QTMAN: variants seen among roughly 807,000 people sequenced by gnomAD.
The protein encoded by QTMAN is queuosine-tRNA mannosyltransferase.
chr2:144,239,413 G>A, the QTMAN span, among the ~76,000 whole-genome samples: 6 of 152,162 alleles, frequency 3.9e-5, no homozygotes, highest in South Asian at 2.1e-4. Context: ...GCTAGCATCC[G>A]TGAGTCCTCT....
At chr2:143,944,305 CT>C in the QTMAN span, 1 of 152,148 alleles carries the variant, frequency 6.6e-6, no homozygotes, top group Non-Finnish European at 1.5e-5. Context: ...ATTTACAAAA[CT>C]TTTTATTGCT....
the QTMAN span, among the ~76,000 whole-genome samples, chr2:143,992,592 A>G: frequency 6.6e-6 from 1 of 152,170 alleles, no homozygotes; most frequent in Non-Finnish European, 1.5e-5. Context: ...AGCAAAACAA[A>G]GCTGAGAGAC....
chr2:144,284,596 T>C, the QTMAN span, among the ~76,000 whole-genome samples: 1 of 152,218 alleles, frequency 6.6e-6, no homozygotes, highest in South Asian at 2.1e-4. Flanking sequence ...TCTACAATTA[T>C]TATAGAAAAA....
the QTMAN span, among the ~76,000 whole-genome samples, chr2:144,004,684 C>T: frequency 1.3e-5 from 2 of 151,910 alleles, no homozygotes; most frequent in South Asian, 4.2e-4. Context: ...TGCCTAGACC[C>T]AGTGGCATTT....
At chr2:144,007,582 G>GA in the QTMAN span, 26 of 1,298,844 alleles carry the variant, frequency 2.0e-5, no homozygotes, top group Non-Finnish European at 2.7e-5. Context: ...AAAAAAATAT[G>GA]TAAAATTTGT....
chr2:144,100,859 CTTTTTTTTTT>C, the QTMAN span, among the ~76,000 whole-genome samples: 52 of 77,910 alleles, frequency 6.7e-4, no homozygotes, highest in African/African-American at 2.5e-3. Context: ...GTCTTTCTTT[CTTTTTTTTTT>C]TTTTTTTTTT....
the QTMAN span, among the ~76,000 whole-genome samples, chr2:144,033,800 G>C: frequency 6.6e-6 from 1 of 152,086 alleles, no homozygotes; most frequent in Admixed American, 6.5e-5. Flanking sequence ...GACTTACTAT[G>C]AACAACAAAA....
chr2:144,215,321 C>A, the QTMAN span, among the ~76,000 whole-genome samples: 59 of 151,320 alleles, frequency 3.9e-4, 1 homozygote, highest in South Asian at 0.012. Flanking sequence ...CACACACACA[C>A]ACATATATTA....
the QTMAN span, among the ~76,000 whole-genome samples, chr2:144,134,490 A>C: frequency 6.6e-6 from 1 of 152,170 alleles, no homozygotes; most frequent in Non-Finnish European, 1.5e-5. Flanking sequence ...GAAAGCAGAA[A>C]TGCTCTTTAT....
At chr2:144,153,302 A>G in the QTMAN span, among the ~76,000 whole-genome samples, 1 of 152,152 alleles carries the variant, frequency 6.6e-6, no homozygotes, top group African/African-American at 2.4e-5. Context: ...GCCAAGAAAA[A>G]GATGGTTGTA....
chr2:144,186,085 T>C, the QTMAN span, among the ~76,000 whole-genome samples: 1 of 152,160 alleles, frequency 6.6e-6, no homozygotes, highest in Non-Finnish European at 1.5e-5. Flanking sequence ...GTCCATCAGG[T>C]AACTGAAGCC....
the QTMAN span, among the ~76,000 whole-genome samples, chr2:144,116,555 G>A: frequency 1.3e-5 from 2 of 152,110 alleles, no homozygotes; most frequent in East Asian, 3.9e-4. Flanking sequence ...ATGCCTTCAA[G>A]GACCAGTGGA....
At chr2:144,082,952 A>T in the QTMAN span, among the ~76,000 whole-genome samples, 1 of 152,216 alleles carries the variant, frequency 6.6e-6, no homozygotes, top group South Asian at 2.1e-4. Flanking sequence ...GGAGACAGCT[A>T]TGTTTGCCTT....
At chr2:144,148,193 A>C in the QTMAN span, among the ~76,000 whole-genome samples, 2 of 151,826 alleles carry the variant, frequency 1.3e-5, no homozygotes, top group Non-Finnish European at 2.9e-5. Context: ...TCCTATTGTT[A>C]GGAGATTCAT....
chr2:144,092,870 GGTGTGTGTGTGTGTGT>G, the QTMAN span, among the ~76,000 whole-genome samples: 2 of 140,642 alleles, frequency 1.4e-5, no homozygotes, highest in Non-Finnish European at 3.1e-5. Flanking sequence ...AAACTTTTGG[GGTGTGTGTGTGTGTGT>G]GTGTGTGTGT....
chr2:144,253,504 A>T, the QTMAN span, among the ~76,000 whole-genome samples: 1 of 152,220 alleles, frequency 6.6e-6, no homozygotes, highest in Non-Finnish European at 1.5e-5. Context: ...CAAAATGCTG[A>T]TAGCGATACA....
At chr2:143,947,124 A>G in the QTMAN span, 1 of 1,613,200 alleles carries the variant, frequency 6.2e-7, no homozygotes, top group South Asian at 1.1e-5. Context: ...AAGAAAACGG[A>G]GCGATTTCAC....
At chr2:144,148,954 C>T in the QTMAN span, among the ~76,000 whole-genome samples, 2 of 151,802 alleles carry the variant, frequency 1.3e-5, no homozygotes, top group East Asian at 1.9e-4. Context: ...TTTTCTTGCT[C>T]GTAAAACGGT....
the QTMAN span, among the ~76,000 whole-genome samples, chr2:144,155,784 C>T: frequency 6.6e-6 from 1 of 152,050 alleles, no homozygotes; most frequent in African/African-American, 2.4e-5. Context: ...TACAGAGTGG[C>T]TTTTGGACAG....
Sources: allele counts gnomAD v4.1 joint callset (sites outside exome capture counted in the v4.1 genomes callset), GRCh38; gene constraint gnomAD v4.1.1; transcripts MANE v1.5; gene names NCBI Gene and HGNC (gene_info 2026-07-23, HGNC 2026-07-21).